EPB41L4B: variants seen among roughly 807,000 people sequenced by gnomAD.
EPB41L4B encodes the protein erythrocyte membrane protein band 4.1 like 4B, also known as band 4.1-like protein 4B.
Under a neutral mutation model 112.5 loss-of-function variants are expected in EPB41L4B, and 30 were observed. That is an observed-to-expected ratio of 0.27 (90% CI 0.20 to 0.36). The LOEUF is 0.36. Among genes scored for constraint, EPB41L4B ranks in the 10% least tolerant of loss-of-function variants. The pLI, the probability that EPB41L4B is intolerant of heterozygous loss-of-function variation, is 1.00. For synonymous variants in EPB41L4B, 408 were observed against 439.7 expected, an observed-to-expected ratio of 0.93 and a Z score of 0.90; for missense variants, 1,024 against 1,133.3, an observed-to-expected ratio of 0.90 and a Z score of 1.38.
rs182085979 is a variant in EPB41L4B, at chr9:109,223,004, G to A, written c.1410-5859C>T. Among the ~76,000 whole-genome samples the A allele has an allele frequency of 1.4e-3, 214 of 152,262 alleles. 1 individual carries two copies. Among genetic ancestry groups the A allele is most frequent in the African/African-American group, 5.1e-3 (210 of 41,550 alleles). On this transcript the variant is annotated intron_variant, in intron 15 of 25. Coordinates refer to ENST00000374566, the MANE Select transcript of EPB41L4B (RefSeq NM_019114.5). ...TGTTCCTACTGGGGCCTAGCCATAA[G>A]AGACTTTATTGCTTGCAGAACAAGT... is the stretch of plus-strand genomic sequence containing the variant.
chr9:109,188,375 C>A (rs142102502), intron 22 of EPB41L4B, among the ~76,000 whole-genome samples: 109 of 152,248 alleles, frequency 7.2e-4, no homozygotes, highest in African/African-American at 2.4e-3. Flanking sequence ...GAGGAGATGG[C>A]AGGCCCCAGG....
intron 1 of EPB41L4B, among the ~76,000 whole-genome samples, chr9:109,313,857 T>G (rs1013355446): frequency 5.3e-5 from 8 of 151,876 alleles, no homozygotes; most frequent in African/African-American, 1.9e-4. Context: ...TCAACCCACT[T>G]AAGTTCATCA....
chr9:109,298,797 G>A (rs900168396), intron 1 of EPB41L4B, among the ~76,000 whole-genome samples: 4 of 152,116 alleles, frequency 2.6e-5, no homozygotes, highest in African/African-American at 9.7e-5. Flanking sequence ...ATTTTCTCCA[G>A]TTCAAGCAGA....
rs1352685535 is a variant in EPB41L4B, at chr9:109,286,210, T to A, written c.307-6289A>T. 5.4e-5 allele frequency among the ~76,000 whole-genome samples: 8 copies of A among 148,426 alleles called. No individual in the cohort carries two copies. In the South Asian group the frequency reaches 1.7e-3, roughly 31 times the overall value. Reference sequence around the variant, plus strand: ...ATGGATGGGTGGATGGATGGATGGATGGATGGATGGGTGGATGGATGGGTA... The same window carrying A: ...ATGGATGGGTGGATGGATGGATGGAAGGATGGATGGGTGGATGGATGGGTA... On this transcript the variant is annotated intron_variant, in intron 1 of 25. Coordinates refer to ENST00000374566, the MANE Select transcript of EPB41L4B (RefSeq NM_019114.5).
At chr9:109,233,032 T>C (rs1267669812) in intron 15 of EPB41L4B, among the ~76,000 whole-genome samples, 2 of 152,344 alleles carry the variant, frequency 1.3e-5, no homozygotes, top group South Asian at 2.1e-4. Context: ...CAACACCTCT[T>C]GCTTTTGAGG....
chr9:109,192,918 G>C (rs573488660), intron 21 of EPB41L4B, among the ~76,000 whole-genome samples: 1 of 152,306 alleles, frequency 6.6e-6, no homozygotes, highest in South Asian at 2.1e-4. Context: ...CCCAAGGAGA[G>C]AGATGGCCAG....
At chr9:109,196,714 C>G (rs186122661) in intron 20 of EPB41L4B, among the ~76,000 whole-genome samples, 107 of 117,780 alleles carry the variant, frequency 9.1e-4, no homozygotes, top group African/African-American at 3.7e-3. Context: ...GAGGCCTTGT[C>G]TCCGAAAAAA....
At chr9:109,296,813 C>G (rs1404170492) in intron 1 of EPB41L4B, among the ~76,000 whole-genome samples, 3 of 148,486 alleles carry the variant, frequency 2.0e-5, no homozygotes, top group Non-Finnish European at 4.4e-5. Context: ...AGTTTGAGCC[C>G]AGGAGTTTGA....
chr9:109,227,241 C>G (rs1833814646), intron 15 of EPB41L4B, among the ~76,000 whole-genome samples: 1 of 151,932 alleles, frequency 6.6e-6, no homozygotes, highest in Non-Finnish European at 1.5e-5. Flanking sequence ...AATCTTATTC[C>G]CTTTCTCACA....
chr9:109,208,966 CG>C (rs550326388), intron 17 of EPB41L4B, among the ~76,000 whole-genome samples: 164 of 152,184 alleles, frequency 1.1e-3, no homozygotes, highest in Middle Eastern at 3.4e-3. Context: ...TTAGAAGAGA[CG>C]TGTTTAATAA....
chr9:109,300,673 C>T (rs1489122258), intron 1 of EPB41L4B, among the ~76,000 whole-genome samples: 1 of 152,092 alleles, frequency 6.6e-6, no homozygotes, highest in African/African-American at 2.4e-5. Flanking sequence ...ATAATCCCAG[C>T]TACTCCGGAG....
intron 11 of EPB41L4B, among the ~76,000 whole-genome samples, chr9:109,254,931 T>A (rs1834923660): frequency 6.6e-6 from 1 of 152,224 alleles, no homozygotes; most frequent in African/African-American, 2.4e-5. Context: ...CAGTTAGAAA[T>A]TTAACAGCCA....
At chr9:109,223,434 C>CAA (rs35529450) in intron 15 of EPB41L4B, among the ~76,000 whole-genome samples, 2,832 of 129,200 alleles carry the variant, frequency 0.022, 54 homozygotes, top group East Asian at 0.12. Flanking sequence ...GACCCTGTCT[C>CAA]AAAAAAAAAA....
intron 14 of EPB41L4B, among the ~76,000 whole-genome samples, chr9:109,245,135 A>G (rs927191676): frequency 2.6e-5 from 4 of 152,224 alleles, no homozygotes; most frequent in African/African-American, 7.2e-5. Flanking sequence ...CAATCTCTGC[A>G]TATTTCTCCT....
At chr9:109,209,491 T>C (rs1365388462) in intron 17 of EPB41L4B, among the ~76,000 whole-genome samples, 1 of 151,792 alleles carries the variant, frequency 6.6e-6, no homozygotes, top group Non-Finnish European at 1.5e-5. Context: ...CGAAACCCCA[T>C]CTCTACTAAA....
chr9:109,228,705 T>C (rs1588152064), intron 15 of EPB41L4B, among the ~76,000 whole-genome samples: 1 of 152,216 alleles, frequency 6.6e-6, no homozygotes, highest in East Asian at 1.9e-4. Flanking sequence ...TCCTCAAAAC[T>C]GGGTGTCATT....
chr9:109,208,434 T>C (rs1453511394), intron 17 of EPB41L4B, among the ~76,000 whole-genome samples: 2 of 152,198 alleles, frequency 1.3e-5, no homozygotes, highest in African/African-American at 2.4e-5. Context: ...TGTGACTTGT[T>C]GGGTCCAGGG....
chr9:109,193,504 G>A (rs183253207), intron 21 of EPB41L4B, among the ~76,000 whole-genome samples: 3 of 152,356 alleles, frequency 2.0e-5, no homozygotes, highest in Admixed American at 2.0e-4. Flanking sequence ...GCTTATGAAT[G>A]GAAGAGCTGG....
intron 6 of EPB41L4B, among the ~76,000 whole-genome samples, chr9:109,260,475 T>G (rs1246762531): frequency 6.8e-6 from 1 of 147,006 alleles, no homozygotes; most frequent in African/African-American, 2.5e-5. Flanking sequence ...AGTGCAGTAA[T>G]GCAATCTTGG....
Sources: allele counts gnomAD v4.1 joint callset (sites outside exome capture counted in the v4.1 genomes callset), GRCh38; gene constraint gnomAD v4.1.1; transcripts MANE v1.5; gene names NCBI Gene and HGNC (gene_info 2026-07-23, HGNC 2026-07-21).